HMGCL: variants seen among roughly 807,000 people sequenced by gnomAD.
HMGCL encodes 3-hydroxy-3-methylglutaryl-CoA lyase, also known as hydroxymethylglutaryl-CoA lyase, mitochondrial.
Under a neutral mutation model 37.3 loss-of-function variants are expected in HMGCL, and 26 were observed. The ratio of observed to expected loss-of-function variants is 0.70; its 90% confidence interval spans 0.51 to 0.97. HMGCL has a LOEUF of 0.97. HMGCL is among the 50% of genes least tolerant of loss of function. HMGCL has a pLI of 0.00. For synonymous variants in HMGCL, 151 were observed against 148.0 expected (o/e 1.02, Z -0.15); for missense variants, 379 against 398.1 (o/e 0.95, Z 0.41).
chr1:23,819,749 A>ACG (rs1384538602), intron 2 of HMGCL, among the ~76,000 whole-genome samples: 1 of 151,400 alleles, frequency 6.6e-6, no homozygotes, highest in Non-Finnish European at 1.5e-5. Context: ...ACACACACAC[A>ACG]CGCGCGCGTG....
At chr1:23,816,055 C>T (rs1055264469) in intron 4 of HMGCL, among the ~76,000 whole-genome samples, 1 of 151,106 alleles carries the variant, frequency 6.6e-6, no homozygotes, top group Non-Finnish European at 1.5e-5. Context: ...GTAGCTAGGA[C>T]TACAGGTGCA....
chr1:23,809,074 T>G (rs1638468025), intron 6 of HMGCL, among the ~76,000 whole-genome samples: 1 of 150,524 alleles, frequency 6.6e-6, no homozygotes, highest in Non-Finnish European at 1.5e-5. Flanking sequence ...CCCCACTATT[T>G]TTTGTATTTT....
chr1:23,820,364 C>G, intron 2 of HMGCL, 146 bp downstream of exon 2: 1 of 702,458 alleles, frequency 1.4e-6, no homozygotes, highest in Non-Finnish European at 2.6e-6. Context: ...GGTGTCTGTC[C>G]CTGTTTGGCC....
intron 5 of HMGCL, among the ~76,000 whole-genome samples, chr1:23,812,514 A>G (rs921742313): frequency 2.0e-5 from 3 of 150,396 alleles, no homozygotes; most frequent in African/African-American, 7.3e-5. Context: ...ATGCAACCAC[A>G]CCTGGCTTTT....
Position 23,802,182 on chromosome 1 carries a change from C to T in HMGCL, c.*281G>A. ...TCATGCTAAGTAGGGAACGGGGTTC[C>T]CACACGTCCTCAGGCATTCAACTCC... On this transcript the variant is annotated 3_prime_UTR_variant, in exon 9 of 9. Coordinates refer to ENST00000374490, the MANE Select transcript of HMGCL (RefSeq NM_000191.3). The T allele has an allele frequency of 1.7e-6, 1 of 595,098 alleles. No individual in the cohort carries two copies. The highest frequency in any genetic ancestry group is 2.1e-5 in the South Asian group (1 of 47,678). 36.9% of individuals were successfully genotyped at this position (595,098 alleles called of 1,614,324 possible). A position where few individuals can be genotyped will look rare whatever the true frequency, so the allele number is the denominator to read the frequency against.
chr1:23,814,301 G>A lies in HMGCL; in HGVS notation c.386C>T (p.Ala129Val), dbSNP rs1244160232. The change falls in exon 5 of 9, where the codon GCT (alanine) becomes GTT (valine). Residue 129 changes from alanine (A) to valine (V), a missense_variant. Transcript: ENST00000374490. ...AGAKEVVIFG[A>V]ASELFTKKNI... is the part of the protein sequence containing the mutation. ...CTTCTTGGTGAAGAGCTCTGAGGCA[G>A]CTCCAAAGATGACTACTTCCTTGGC... The A allele has an allele frequency of 1.2e-6, 2 of 1,613,652 alleles. No homozygotes were observed. The highest frequency in any genetic ancestry group is 2.2e-5 in the South Asian group (2 of 91,034).
At chr1:23,810,698 AC>A in intron 6 of HMGCL, 37 bp downstream of exon 6, 1 of 1,595,422 alleles carries the variant, frequency 6.3e-7, no homozygotes, top group Non-Finnish European at 8.6e-7. Context: ...AAGGTGGCCA[AC>A]CCTCACCAAA....
chr1:23,814,898 C>G (rs148259745), intron 4 of HMGCL, among the ~76,000 whole-genome samples: 7 of 151,998 alleles, frequency 4.6e-5, no homozygotes, highest in Admixed American at 3.3e-4. Flanking sequence ...TAATCCCATA[C>G]GACTGGTGAC....
intron 4 of HMGCL, 81 bp from the exon 5 acceptor site, chr1:23,814,419 G>A: frequency 1.3e-6 from 2 of 1,503,586 alleles, no homozygotes; most frequent in Non-Finnish European, 1.8e-6. Context: ...TGCCCAGGCT[G>A]GAGTGCAGTG....
At chr1:23,805,565 C>T (rs1372382123) in intron 7 of HMGCL, among the ~76,000 whole-genome samples, 4 of 152,172 alleles carry the variant, frequency 2.6e-5, no homozygotes, top group African/African-American at 9.7e-5. Context: ...CTTGACTAGC[C>T]GCATCATCTT....
chr1:23,804,865 A>T (rs1430936745), intron 7 of HMGCL, among the ~76,000 whole-genome samples: 1 of 132,516 alleles, frequency 7.5e-6, no homozygotes, highest in Admixed American at 7.6e-5. Flanking sequence ...GTTTACTGTG[A>T]TTCATTTATT....
chr1:23,802,578 G>C lies in HMGCL; in HGVS notation c.877-14C>G. The C allele has an allele frequency of 6.4e-7, 1 of 1,553,792 alleles. No individual in the cohort carries two copies. Among genetic ancestry groups the C allele is most frequent in the Non-Finnish European group, 8.9e-7 (1 of 1,124,886 alleles). ...GAGATTCACACCCTTTGAGAAACAA[G>C]TTAGAGGATGCGGTAAGTCATGGTA... is the stretch of plus-strand genomic sequence containing the variant. On this transcript the variant is annotated splice_polypyrimidine_tract_variant and intron_variant, in intron 8 of 8. Transcript: ENST00000374490.
At chr1:23,807,159 C>G (rs760227958) in intron 7 of HMGCL, 1 of 519,052 alleles carries the variant, frequency 1.9e-6, no homozygotes, top group South Asian at 1.4e-5. Context: ...CTCACCTCAG[C>G]TGTGCAGAAT....
chr1:23,813,226 TG>T (rs1296475404), intron 5 of HMGCL, among the ~76,000 whole-genome samples: 23 of 140,628 alleles, frequency 1.6e-4, no homozygotes, highest in African/African-American at 5.4e-4. Context: ...CTGGCTGCAA[TG>T]TTTTTTTTTT....
At position 23,815,311 on chromosome 1, in the gene HMGCL, G is replaced by A. The variant is rs76764157; in HGVS notation, c.349-973C>T. Among the ~76,000 whole-genome samples the A allele has an allele frequency of 2.7e-3, 407 of 152,068 alleles. 3 individuals are homozygous for A. Among genetic ancestry groups the A allele is most frequent in the African/African-American group, 9.1e-3 (376 of 41,482 alleles). On this transcript the variant is annotated intron_variant, in intron 4 of 8. Transcript: ENST00000374490. ...CTGGAGAGATGCATCTACAAGCCAG[G>A]CAATGCCAAGGACTGCTGGCCACCA...
At chr1:23,821,962 C>T (rs529125768) in intron 1 of HMGCL, among the ~76,000 whole-genome samples, 67 of 152,242 alleles carry the variant, frequency 4.4e-4, no homozygotes, top group South Asian at 1.0e-3. Context: ...CCATTATTTT[C>T]GCTATTGCAG....
At chr1:23,808,371 G>A (rs1638452280) in intron 6 of HMGCL, 48 bp from the exon 7 acceptor site, 1 of 1,512,996 alleles carries the variant, frequency 6.6e-7, no homozygotes, top group African/African-American at 1.4e-5. Context: ...CACCAGCCAG[G>A]GGATCCATGC....
At chr1:23,809,269 C>T (rs1638475900) in intron 6 of HMGCL, 1 of 134,416 alleles carries the variant, frequency 7.4e-6, no homozygotes, top group South Asian at 2.3e-4. Flanking sequence ...GATGGAGTCT[C>T]CCTCTGTTGC....
rs1638418346 is a variant in HMGCL, at chr1:23,806,790, T to C, written c.750+1345A>G. On this transcript the variant is annotated intron_variant, in intron 7 of 8. Coordinates refer to ENST00000374490, the MANE Select transcript of HMGCL (RefSeq NM_000191.3). This position sits in a 1 kb window ranked among gnomAD's most constrained non-coding sequence, Gnocchi z 4.0. ...ATGCTGAGAACAGTGCCTAGCACAC[T>C]AGGCACCGTTAGGTTAGGTTTTAAT... The C allele has an allele frequency of 2.7e-6, 1 of 371,498 alleles. No homozygotes were observed. The highest frequency in any genetic ancestry group is 2.1e-5 in the African/African-American group (1 of 47,160). The allele number at this position is 371,498 out of a possible 1,614,324, so 23.0% of individuals were successfully genotyped here.
Sources: gnomAD v4.1 joint callset for allele counts (sites outside exome capture counted in the v4.1 genomes callset) on GRCh38, gnomAD v4.1.1 for gene constraint, Gnocchi (gnomAD v3.1) non-coding constraint, MANE v1.5 for transcripts, NCBI Gene and HGNC (gene_info 2026-07-23, HGNC 2026-07-21) for gene names.